Variants in CACNA2D1 observed in about 807,000 individuals in gnomAD.
CACNA2D1 encodes the protein calcium voltage-gated channel auxiliary subunit alpha2delta 1, also known as voltage-dependent calcium channel subunit alpha-2/delta-1.
In CACNA2D1, 53 loss-of-function variants were observed where a neutral mutation model predicts 171.5. That is an observed-to-expected ratio of 0.31 (90% CI 0.25 to 0.39). CACNA2D1 has a LOEUF of 0.39. Ranked by LOEUF, CACNA2D1 falls within the 10% of genes least tolerant of loss-of-function variation. CACNA2D1 has a pLI of 1.00. For missense variants in CACNA2D1, 903 were observed against 1,299.8 expected (o/e 0.69, Z 4.69); for synonymous variants, 442 against 443.1 (o/e 1.00, Z 0.03).
intron 3 of CACNA2D1, among the ~76,000 whole-genome samples, chr7:82,173,294 T>A (rs989227062): frequency 6.6e-6 from 1 of 152,044 alleles, no homozygotes; most frequent in Admixed American, 6.6e-5. Flanking sequence ...AACACTAATT[T>A]TATAAAGTAA....
At chr7:82,008,371 A>C (rs1287654316) in intron 15 of CACNA2D1, among the ~76,000 whole-genome samples, 1 of 152,234 alleles carries the variant, frequency 6.6e-6, no homozygotes, top group East Asian at 1.9e-4. Context: ...TTGACAAGTA[A>C]AATTATGAAG....
intron 1 of CACNA2D1, among the ~76,000 whole-genome samples, chr7:82,400,550 C>T (rs1436938447): frequency 4.6e-5 from 7 of 151,664 alleles, no homozygotes; most frequent in East Asian, 2.0e-4. Flanking sequence ...ATACAAAAAT[C>T]AATTCAAGAT....
At chr7:82,235,374 A>G (rs998337294) in intron 3 of CACNA2D1, among the ~76,000 whole-genome samples, 1 of 152,140 alleles carries the variant, frequency 6.6e-6, no homozygotes. Flanking sequence ...AGTGCCTTCA[A>G]AGATGTTATC....
At chr7:82,074,927 T>C (rs533470006) in intron 7 of CACNA2D1, among the ~76,000 whole-genome samples, 1 of 152,192 alleles carries the variant, frequency 6.6e-6, no homozygotes, top group African/African-American at 2.4e-5. Flanking sequence ...GTTTGTTACA[T>C]AGGTACACAT....
chr7:82,100,190 T>G (rs1175836945), intron 6 of CACNA2D1, among the ~76,000 whole-genome samples: 1 of 152,220 alleles, frequency 6.6e-6, no homozygotes, highest in African/African-American at 2.4e-5. Context: ...TTCAGGCTTT[T>G]AGAGATTCCA....
intron 2 of CACNA2D1, among the ~76,000 whole-genome samples, chr7:82,347,772 A>T (rs917408522): frequency 6.6e-6 from 1 of 150,986 alleles, no homozygotes; most frequent in Admixed American, 6.6e-5. Context: ...GTAATGAGGT[A>T]TGTATCCCAT....
chr7:82,386,762 A>C (rs956201063), intron 1 of CACNA2D1, among the ~76,000 whole-genome samples: 5 of 150,538 alleles, frequency 3.3e-5, no homozygotes, highest in Admixed American at 6.6e-5. Context: ...AAATAAATAA[A>C]TAAATAAATA....
intron 1 of CACNA2D1, among the ~76,000 whole-genome samples, chr7:82,355,365 C>T (rs994359913): frequency 6.6e-6 from 1 of 152,010 alleles, no homozygotes; most frequent in African/African-American, 2.4e-5. Flanking sequence ...CAGAATTTTT[C>T]AAATATGCAG....
intron 15 of CACNA2D1, among the ~76,000 whole-genome samples, chr7:82,010,051 T>C (rs1371130838): frequency 6.6e-6 from 1 of 151,984 alleles, no homozygotes; most frequent in Non-Finnish European, 1.5e-5. Flanking sequence ...TGGTTTCACT[T>C]TTCACCACCA....
chr7:82,368,938 G>T (rs1475234429), intron 1 of CACNA2D1, among the ~76,000 whole-genome samples: 1 of 152,078 alleles, frequency 6.6e-6, no homozygotes, highest in Non-Finnish European at 1.5e-5. Context: ...AAATGAAGAA[G>T]TTTGAAATAT....
chr7:82,049,507 G>A (rs1295977823), intron 10 of CACNA2D1, among the ~76,000 whole-genome samples: 3 of 152,150 alleles, frequency 2.0e-5, no homozygotes, highest in Non-Finnish European at 4.4e-5. Context: ...TTAATCATCT[G>A]CTGAACTTGC....
chr7:82,128,958 G>T (rs748976277), intron 5 of CACNA2D1, among the ~76,000 whole-genome samples: 1 of 152,178 alleles, frequency 6.6e-6, no homozygotes, highest in South Asian at 2.1e-4. Flanking sequence ...ATTACAGCAG[G>T]CTGCAGAATA....
intron 18 of CACNA2D1, among the ~76,000 whole-genome samples, chr7:82,000,621 C>A (rs1412759443): frequency 6.6e-6 from 1 of 151,758 alleles, no homozygotes; most frequent in South Asian, 2.1e-4. Context: ...GTTTTTGAGA[C>A]GGGGTCTCGC....
chr7:82,271,713 G>A (rs536336015), intron 3 of CACNA2D1, among the ~76,000 whole-genome samples: 20 of 152,192 alleles, frequency 1.3e-4, no homozygotes, highest in Admixed American at 3.9e-4. Context: ...TTAGAGCCAA[G>A]GAGATAAACA....
At chr7:82,211,675 T>A (rs1585110850) in intron 3 of CACNA2D1, among the ~76,000 whole-genome samples, 1 of 152,172 alleles carries the variant, frequency 6.6e-6, no homozygotes, top group Non-Finnish European at 1.5e-5. Context: ...AACATACAAG[T>A]GCATGTGTTT....
At chr7:82,199,368 A>G (rs1316480426) in intron 3 of CACNA2D1, among the ~76,000 whole-genome samples, 2 of 152,116 alleles carry the variant, frequency 1.3e-5, no homozygotes, top group African/African-American at 4.8e-5. Context: ...ACGAATGTTA[A>G]CTATTATAGT....
chr7:82,061,849 G>C (rs1235149564), intron 9 of CACNA2D1, among the ~76,000 whole-genome samples: 2 of 152,122 alleles, frequency 1.3e-5, no homozygotes, highest in African/African-American at 4.8e-5. Context: ...CCCACTTTTG[G>C]GTGGGGAGCA....
chr7:82,224,545 T>C (rs1046310775), intron 3 of CACNA2D1, among the ~76,000 whole-genome samples: 3 of 151,660 alleles, frequency 2.0e-5, no homozygotes, highest in Admixed American at 6.6e-5. Context: ...ATCGCACCAC[T>C]GCACTCCAGC....
intron 1 of CACNA2D1, among the ~76,000 whole-genome samples, chr7:82,429,254 A>G (rs769087822): frequency 1.3e-5 from 2 of 152,206 alleles, no homozygotes; most frequent in Non-Finnish European, 2.9e-5. Context: ...GATATAAATC[A>G]TTATAATATA....
Sources: gnomAD v4.1 joint callset for allele counts (sites outside exome capture counted in the v4.1 genomes callset) on GRCh38, gnomAD v4.1.1 for gene constraint, MANE v1.5 for transcripts, NCBI Gene and HGNC (gene_info 2026-07-23, HGNC 2026-07-21) for gene names.